Variants in ST8SIA6 observed in about 807,000 individuals in gnomAD.
ST8SIA6 encodes the protein ST8 alpha-N-acetyl-neuraminide alpha-2,8-sialyltransferase 6.
A neutral mutation model predicts 33.6 loss-of-function variants in ST8SIA6; 39 were observed. The ratio of observed to expected loss-of-function variants is 1.16; its 90% CI spans 0.90 to 1.52. ST8SIA6 has a LOEUF of 1.52. Ranked by LOEUF, ST8SIA6 falls within the 40% of genes most tolerant of loss-of-function variation. The pLI is 0.00. For missense variants in ST8SIA6, 441 were observed against 443.8 expected, an observed-to-expected ratio of 0.99 and a Z score of 0.06; for synonymous variants, 172 against 167.2, an observed-to-expected ratio of 1.03 and a Z score of -0.22.
At chr10:17,397,226 G>GTTTTTTTTT (rs1483021820) in intron 2 of ST8SIA6, among the ~76,000 whole-genome samples, 10 of 80,056 alleles carry the variant, frequency 1.2e-4, no homozygotes, top group Non-Finnish European at 1.4e-4. Flanking sequence ...TTTGCAAATT[G>GTTTTTTTTT]TTTTTTGTTT....
intron 3 of ST8SIA6, among the ~76,000 whole-genome samples, chr10:17,370,219 G>A (rs898575900): frequency 5.3e-5 from 8 of 152,046 alleles, no homozygotes; most frequent in African/African-American, 1.4e-4. Context: ...TCCTGACCTC[G>A]TGATCCGTCC....
rs1010965839 is a variant in ST8SIA6, at chr10:17,388,697, A to G, written c.290+1834T>C. 3.9e-5 allele frequency among the ~76,000 whole-genome samples: 6 copies of G among 152,326 alleles called. No homozygotes were observed. In the South Asian group the frequency reaches 6.2e-4, roughly 16 times the overall value. ...ACATGAAAGAAATCAGACCTAACTG[A>G]CTACATCTTGCTTCTAATCTTTAAG... On this transcript the variant is annotated intron_variant, in intron 3 of 7. Coordinates refer to ENST00000377602, the MANE Select transcript of ST8SIA6 (RefSeq NM_001004470.3).
Position 17,331,482 on chromosome 10 carries a change from TC to T in ST8SIA6, c.447del (p.Thr150LeufsTer3). ...CTTTCCACCTCGTAACTCATATTAG[TC>T]CCAACTGGAGTGTTATTCTGAGAAA... The part of the protein sequence containing the change: ...FVVSQNNTPV[G>X]TNMSYEVESK... On this transcript the variant is annotated frameshift_variant, in exon 5 of 8. Coordinates refer to ENST00000377602, the MANE Select transcript of ST8SIA6 (RefSeq NM_001004470.3). LOFTEE classifies it high-confidence loss of function. 1.9e-6 allele frequency: 3 copies of T among 1,613,850 alleles called. No homozygotes were observed. Among genetic ancestry groups the T allele is most frequent in the Non-Finnish European group, 1.7e-6 (2 of 1,179,914 alleles).
rs1848007911 is a variant in ST8SIA6, at chr10:17,323,079, G to T, written c.714C>A (p.Ser238Arg). ...CAGCTACTTACTTCAGAGTTATGAT[G>T]CTTGGATTTATAGTCACAAGATTTG... Reference protein sequence around the residue: ...SKTNLVTINPSIITLKYGNLK... With the variant: ...SKTNLVTINPRIITLKYGNLK... Residue 238 changes from serine to arginine, a missense_variant, in exon 7 of 8, where the codon AGC (serine) becomes AGA (arginine). Physicochemically the swap from Ser to Arg is moderately radical, Grantham distance 110. Transcript: ENST00000377602. The T allele has an allele frequency of 6.2e-7, 1 of 1,613,064 alleles. No individual in the cohort carries two copies. Among genetic ancestry groups the T allele is most frequent in the South Asian group, 1.1e-5 (1 of 90,968 alleles).
intron 5 of ST8SIA6, among the ~76,000 whole-genome samples, chr10:17,327,422 G>A (rs534027583): frequency 2.0e-5 from 3 of 151,630 alleles, no homozygotes; most frequent in African/African-American, 2.4e-5. Context: ...CCGTCTCTGC[G>A]AAAAATACAA....
At chr10:17,368,066 G>C (rs1849610086) in intron 3 of ST8SIA6, among the ~76,000 whole-genome samples, 2 of 151,730 alleles carry the variant, frequency 1.3e-5, no homozygotes, top group Admixed American at 1.3e-4. Flanking sequence ...ATGAGACACT[G>C]TTCTATGCAT....
chr10:17,409,109 C>T (rs74850464), intron 2 of ST8SIA6, among the ~76,000 whole-genome samples: 4,651 of 152,212 alleles, frequency 0.031, 76 homozygotes, highest in South Asian at 0.056. Context: ...TGGGAAAATA[C>T]CTTATCTGTA....
chr10:17,398,522 G>C (rs1010668654), intron 2 of ST8SIA6, among the ~76,000 whole-genome samples: 1 of 152,108 alleles, frequency 6.6e-6, no homozygotes, highest in African/African-American at 2.4e-5. Flanking sequence ...CCCTGGCCAA[G>C]TAAAACATCC....
chr10:17,324,406 A>G (rs890875422), intron 6 of ST8SIA6, among the ~76,000 whole-genome samples: 1 of 152,100 alleles, frequency 6.6e-6, no homozygotes, highest in African/African-American at 2.4e-5. Context: ...AATAATACAT[A>G]TTCAATGATA....
chr10:17,384,710 C>T (rs896300942), intron 3 of ST8SIA6, among the ~76,000 whole-genome samples: 1 of 152,148 alleles, frequency 6.6e-6, no homozygotes, highest in Non-Finnish European at 1.5e-5. Context: ...ACCATGAGAA[C>T]TGAAGCCAGA....
rs1564405142 is a variant in ST8SIA6 at position 17,333,715 on chromosome 10, A to ATTTTTTTT, written c.378-2164_378-2163insAAAAAAAA. ...TATATATATATATATATATATATAT[A>ATTTTTTTT]TATTTTTTTTTTTTTTTTTTTTTTT... is the stretch of plus-strand genomic sequence containing the variant. On this transcript the variant is annotated intron_variant, in intron 4 of 7. Coordinates refer to ENST00000377602, the MANE Select transcript of ST8SIA6 (RefSeq NM_001004470.3). Among the ~76,000 whole-genome samples the ATTTTTTTT allele has an allele frequency of 2.0e-4, 7 of 35,410 alleles. 1 individual carries two copies. The highest frequency in any genetic ancestry group is 2.8e-3 in the South Asian group (2 of 718). The allele number at this position is 35,410 out of a possible 152,430, so 23.2% of individuals were successfully genotyped here.
At chr10:17,442,124 C>T (rs886254560) in intron 2 of ST8SIA6, among the ~76,000 whole-genome samples, 19 of 152,198 alleles carry the variant, frequency 1.2e-4, no homozygotes, top group Non-Finnish European at 2.5e-4. Context: ...GCCTCGGCCT[C>T]CCGAAGTGCT....
At chr10:17,390,913 C>T (rs1850578099) in intron 2 of ST8SIA6, among the ~76,000 whole-genome samples, 1 of 150,040 alleles carries the variant, frequency 6.7e-6, no homozygotes, top group Non-Finnish European at 1.5e-5. Flanking sequence ...GGCTGGCGTG[C>T]AATGGCACAA....
At chr10:17,423,259 C>G (rs1056121463) in intron 2 of ST8SIA6, among the ~76,000 whole-genome samples, 1 of 152,178 alleles carries the variant, frequency 6.6e-6, no homozygotes, top group Admixed American at 6.5e-5. Flanking sequence ...TTTACAATTG[C>G]GCACTTCTGT....
intron 6 of ST8SIA6, 93 bp from the exon 7 acceptor site, chr10:17,323,250 C>CACACA: frequency 5.4e-5 from 39 of 722,178 alleles, no homozygotes; most frequent in Middle Eastern, 8.0e-4. Context: ...CACACACACA[C>CACACA]CTATCTATAA....
chr10:17,346,705 A>T (rs567803188), intron 4 of ST8SIA6, among the ~76,000 whole-genome samples: 15 of 152,304 alleles, frequency 9.8e-5, no homozygotes, highest in Admixed American at 7.2e-4. Flanking sequence ...GGGGCAGTTT[A>T]TTATGCAGCA....
intron 4 of ST8SIA6, among the ~76,000 whole-genome samples, chr10:17,341,705 C>G (rs951130414): frequency 6.6e-6 from 1 of 151,658 alleles, no homozygotes; most frequent in African/African-American, 2.4e-5. Flanking sequence ...TCGAGACCAG[C>G]CTGGCCAACA....
At chr10:17,340,501 C>A (rs1486315175) in intron 4 of ST8SIA6, among the ~76,000 whole-genome samples, 4 of 152,204 alleles carry the variant, frequency 2.6e-5, no homozygotes, top group Admixed American at 2.0e-4. Flanking sequence ...CAAACCCAGC[C>A]AATATGGGAA....
rs1057213462 is a variant in ST8SIA6 at position 17,317,222 on chromosome 10, T to A, written c.*3656A>T. ...GTTTGCCCTGTCTCCATTACATAAG[T>A]AGCGCATCTTTATCATATATCACCC... is the stretch of plus-strand genomic sequence containing the variant. On this transcript the variant is annotated 3_prime_UTR_variant, in exon 8 of 8. Coordinates refer to ENST00000377602, the MANE Select transcript of ST8SIA6 (RefSeq NM_001004470.3). Among the ~76,000 whole-genome samples, 9 of 152,186 alleles carry A rather than the reference T, an allele frequency of 5.9e-5. No individual in the cohort carries two copies. Among genetic ancestry groups the A allele is most frequent in the African/African-American group, 2.2e-4 (9 of 41,450 alleles).
Sources: gnomAD v4.1 joint callset for allele counts (sites outside exome capture counted in the v4.1 genomes callset) on GRCh38, gnomAD v4.1.1 for gene constraint, MANE v1.5 for transcripts, NCBI Gene and HGNC (gene_info 2026-07-23, HGNC 2026-07-21) for gene names.